Variants in OSBPL10 observed in about 807,000 individuals in gnomAD.
The protein encoded by OSBPL10 is oxysterol binding protein like 10, also known as oxysterol-binding protein-related protein 10.
OSBPL10 carries 49 observed loss-of-function variants against 81.7 expected under a neutral mutation model. The ratio of observed to expected loss-of-function variants is 0.60; its 90% CI spans 0.48 to 0.76. The LOEUF (loss-of-function observed/expected upper bound fraction) is 0.76, where lower values mean the gene tolerates loss of function less well. Ranked by LOEUF, OSBPL10 falls within the 30% of genes least tolerant of loss-of-function variation. The probability of loss-of-function intolerance (pLI) is 0.00; values close to 1 mark genes in which losing one functional copy is unlikely to be tolerated. For synonymous variants in OSBPL10, 419 were observed against 383.6 expected (o/e 1.09, Z -1.08); for missense variants, 923 against 987.8 (o/e 0.93, Z 0.88).
chr3:31,678,532 G>A (rs1036971327), intron 8 of OSBPL10, among the ~76,000 whole-genome samples: 3 of 152,200 alleles, frequency 2.0e-5, no homozygotes, highest in Non-Finnish European at 4.4e-5. Flanking sequence ...TTGCGTTTCT[G>A]TGAAGAATTC....
intron 1 of OSBPL10, among the ~76,000 whole-genome samples, chr3:31,964,534 T>C (rs540934815): frequency 6.6e-6 from 1 of 152,340 alleles, no homozygotes; most frequent in East Asian, 1.9e-4. Flanking sequence ...AGAACCAATA[T>C]GTATTTCCTT....
In OSBPL10 at chr3:31,978,295, G is replaced by A. The variant is rs149437013; in HGVS notation, c.281+2604C>T. 1.5e-3 allele frequency among the ~76,000 whole-genome samples: 236 copies of A among 152,304 alleles called. 1 individual carries two copies. Among genetic ancestry groups the A allele is most frequent in the Admixed American group, 8.7e-3 (133 of 15,306 alleles). ...TGAGGCCCAGAAAGAAAGGCAGCAG[G>A]AATCAGTTGGCTAACTATTTGTACT... On this transcript the variant is annotated intron_variant, in intron 1 of 11. Transcript: ENST00000396556.
At chr3:31,936,617 A>G (rs952135666) in intron 1 of OSBPL10, among the ~76,000 whole-genome samples, 1 of 152,218 alleles carries the variant, frequency 6.6e-6, no homozygotes. Context: ...ACACACAGGT[A>G]TCTCCTTGCC....
At chr3:31,804,892 CCTTA>C (rs1699484802) in intron 4 of OSBPL10, among the ~76,000 whole-genome samples, 1 of 152,104 alleles carries the variant, frequency 6.6e-6, no homozygotes, top group African/African-American at 2.4e-5. Flanking sequence ...TGGTCAAGGT[CCTTA>C]CTTTGTGTGT....
chr3:32,057,615 T>A (rs924301983), intron 1 of OSBPL10, among the ~76,000 whole-genome samples: 6 of 152,188 alleles, frequency 3.9e-5, no homozygotes, highest in Non-Finnish European at 5.9e-5. Flanking sequence ...TCAGATCTCA[T>A]GAGAACTCAG....
chr3:32,009,268 T>A (rs1699231638), intron 2 of OSBPL10, among the ~76,000 whole-genome samples: 1 of 152,224 alleles, frequency 6.6e-6, no homozygotes. Context: ...CACCTGTTGT[T>A]GAACTTGCAG....
chr3:31,867,230 G>C (rs966417524), intron 3 of OSBPL10, among the ~76,000 whole-genome samples: 2 of 152,150 alleles, frequency 1.3e-5, no homozygotes. Flanking sequence ...AGCGCCAGGA[G>C]AGAGTCAGGC....
At chr3:32,039,099 G>C (rs1310281364) in intron 2 of OSBPL10, among the ~76,000 whole-genome samples, 1 of 151,930 alleles carries the variant, frequency 6.6e-6, no homozygotes, top group Non-Finnish European at 1.5e-5. Context: ...GTTGAGGCAG[G>C]TGGATCAAGA....
At chr3:31,753,664 A>G (rs1697789100) in intron 4 of OSBPL10, among the ~76,000 whole-genome samples, 1 of 152,248 alleles carries the variant, frequency 6.6e-6, no homozygotes. Flanking sequence ...AATGTTCATC[A>G]ACGCTTTAAT....
At chr3:31,958,498 G>A (rs1698069980) in intron 1 of OSBPL10, among the ~76,000 whole-genome samples, 2 of 152,120 alleles carry the variant, frequency 1.3e-5, no homozygotes, top group Admixed American at 1.3e-4. Flanking sequence ...ATATGCAGGA[G>A]GACAAGACTC....
At chr3:31,945,025 T>A (rs1051660977) in intron 1 of OSBPL10, among the ~76,000 whole-genome samples, 3 of 150,646 alleles carry the variant, frequency 2.0e-5, no homozygotes, top group Admixed American at 6.6e-5. Flanking sequence ...GTGGCACACA[T>A]GTGTAGTCCC....
At chr3:31,754,685 C>T (rs1051118429) in intron 4 of OSBPL10, among the ~76,000 whole-genome samples, 6 of 152,180 alleles carry the variant, frequency 3.9e-5, no homozygotes, top group East Asian at 1.9e-4. Context: ...TTTTGCAGAC[C>T]GTATGTTCTC....
At chr3:32,052,198 G>A (rs570182891) in intron 1 of OSBPL10, among the ~76,000 whole-genome samples, 39 of 148,990 alleles carry the variant, frequency 2.6e-4, no homozygotes, top group Non-Finnish European at 4.3e-4. Context: ...AATGAGCAGA[G>A]ATCACACCAC....
chr3:31,965,652 A>G (rs1575065865), intron 1 of OSBPL10, among the ~76,000 whole-genome samples: 1 of 60,682 alleles, frequency 1.6e-5, no homozygotes, highest in African/African-American at 6.8e-5. Context: ...TAAATTATAT[A>G]TTATATATTA....
intron 1 of OSBPL10, among the ~76,000 whole-genome samples, chr3:32,074,141 C>T (rs1699855210): frequency 6.6e-6 from 1 of 152,124 alleles, no homozygotes; most frequent in Admixed American, 6.5e-5. Context: ...CTCCCTGCAC[C>T]TCAGAACCTC....
intron 1 of OSBPL10, among the ~76,000 whole-genome samples, chr3:32,062,151 A>G (rs1218911129): frequency 3.2e-5 from 3 of 92,796 alleles, no homozygotes; most frequent in Non-Finnish European, 5.8e-5. Flanking sequence ...TCTATGGCCC[A>G]GGCTGGAATG....
At chr3:31,965,699 A>T (rs1490604100) in intron 1 of OSBPL10, among the ~76,000 whole-genome samples, 3 of 41,818 alleles carry the variant, frequency 7.2e-5, no homozygotes, top group African/African-American at 4.9e-4. Context: ...AAAATATATA[A>T]TATATTATAT....
chr3:32,011,611 GAGA>G (rs1178710439), intron 2 of OSBPL10, among the ~76,000 whole-genome samples: 1 of 152,220 alleles, frequency 6.6e-6, no homozygotes, highest in African/African-American at 2.4e-5. Flanking sequence ...GACAAGTTGA[GAGA>G]AGAAGGCTTC....
At chr3:31,951,014 C>T (rs7609659) in intron 1 of OSBPL10, among the ~76,000 whole-genome samples, 31,999 of 152,098 alleles carry the variant, frequency 0.21, 4,368 homozygotes, top group African/African-American at 0.35. Context: ...CAATGCAAAA[C>T]GGACTAACAC....
Sources: gnomAD v4.1 joint callset for allele counts (sites outside exome capture counted in the v4.1 genomes callset) on GRCh38, gnomAD v4.1.1 for gene constraint, MANE v1.5 for transcripts, NCBI Gene and HGNC (gene_info 2026-07-23, HGNC 2026-07-21) for gene names.